The following ITGAE variants were observed in gnomAD, a reference collection of about 807,000 sequenced individuals.
The protein encoded by ITGAE is integrin subunit alpha E, also known as integrin alpha-E.
Under a neutral mutation model 136.5 loss-of-function variants are expected in ITGAE, and 99 were observed. The observed-to-expected ratio is 0.73, with a 90% confidence interval of 0.62 to 0.86. The LOEUF (loss-of-function observed/expected upper bound fraction) is 0.86. Among genes scored for constraint, ITGAE ranks in the 40% least tolerant of loss-of-function variants. ITGAE has a pLI of 0.00. For synonymous variants in ITGAE, 613 were observed against 591.8 expected (o/e 1.04, Z -0.52); for missense variants, 1,447 against 1,515.3 (o/e 0.95, Z 0.75).
At chr17:3,772,053 C>T (rs918453294) in intron 2 of ITGAE, among the ~76,000 whole-genome samples, 4 of 152,154 alleles carry the variant, frequency 2.6e-5, no homozygotes, top group Admixed American at 2.6e-4. Flanking sequence ...TCAGCTTTAG[C>T]CACACGTGAT....
chr17:3,741,547 G>A (rs942369367), intron 19 of ITGAE, among the ~76,000 whole-genome samples: 4 of 152,122 alleles, frequency 2.6e-5, no homozygotes, highest in African/African-American at 4.8e-5. Flanking sequence ...CATTTTATAC[G>A]GGGAATAACT....
At chr17:3,795,774 CGTGT>C (rs1283950394) in intron 1 of ITGAE, among the ~76,000 whole-genome samples, 3 of 148,414 alleles carry the variant, frequency 2.0e-5, no homozygotes, top group African/African-American at 7.9e-5. Context: ...TGTGTACGTG[CGTGT>C]GTGCATGTGT....
At chr17:3,724,577 A>G in intron 26 of ITGAE, 2 of 1,614,154 alleles carry the variant, frequency 1.2e-6, no homozygotes, top group Admixed American at 3.3e-5. Flanking sequence ...CCCTGGACCG[A>G]GCATCTCTCC....
intron 10 of ITGAE, among the ~76,000 whole-genome samples, chr17:3,756,131 G>A (rs1403793140): frequency 6.6e-6 from 1 of 151,572 alleles, no homozygotes; most frequent in Non-Finnish European, 1.5e-5. Flanking sequence ...AAGGGACTAT[G>A]CCCCAGCCAT....
At chr17:3,753,667 A>C (rs1279744413) in intron 13 of ITGAE, 116 bp downstream of exon 13, 2 of 1,346,472 alleles carry the variant, frequency 1.5e-6, no homozygotes. Flanking sequence ...CAGGAGCCTG[A>C]GTTTCACCCA....
At chr17:3,741,179 G>A (rs1418269336) in intron 19 of ITGAE, among the ~76,000 whole-genome samples, 2 of 139,756 alleles carry the variant, frequency 1.4e-5, no homozygotes, top group Non-Finnish European at 3.0e-5. Flanking sequence ...CCGGGTTCAC[G>A]CCATTCTCCT....
In ITGAE at chr17:3,723,673, G is replaced by C. The variant is rs1174614750; in HGVS notation, c.3141+15C>G. 1.3e-6 allele frequency: 2 copies of C among 1,578,518 alleles called. No homozygotes were observed. Among genetic ancestry groups the C allele is most frequent in the African/African-American group, 1.3e-5 (1 of 74,132 alleles). ...CCTCCGCCCTCCCCTGGCCTCTCGG[G>C]ACGGCCGCGCTTACCTGAACCGAAC... is the stretch of plus-strand genomic sequence containing the variant. On this transcript the variant is annotated intron_variant, in intron 27 of 30. Coordinates refer to ENST00000263087, the MANE Select transcript of ITGAE (RefSeq NM_002208.5).
At chr17:3,761,641 G>C in intron 4 of ITGAE, 121 bp from the exon 5 acceptor site, 1 of 905,126 alleles carries the variant, frequency 1.1e-6, no homozygotes, top group Non-Finnish European at 1.7e-6. Flanking sequence ...CACAGGAAGA[G>C]CTGGCCCACC....
Position 3,762,383 on chromosome 17 carries a change from G to A in ITGAE, c.248-401C>T, listed in dbSNP as rs543979762. Among the ~76,000 whole-genome samples, 4 of 152,246 alleles carry A rather than the reference G, an allele frequency of 2.6e-5. No individual in the cohort carries two copies. In the South Asian group the frequency reaches 6.2e-4, roughly 24 times the overall value. On this transcript the variant is annotated intron_variant, in intron 3 of 30. Transcript: ENST00000263087. ...TGTGCAAGATACCGTGGGACTGGCT[G>A]TGTGGACCAAGGAACCCCCCAGCCT...
rs547435254 is a variant in ITGAE, at chr17:3,745,925, G to A, written c.2158C>T (p.Leu720Phe). The A allele has an allele frequency of 1.1e-5, 17 of 1,613,134 alleles. No homozygotes were observed. The highest frequency in any genetic ancestry group is 4.4e-5 in the South Asian group (4 of 90,996). Reference sequence around the variant, plus strand: ...GTGAAGTTGAGAAGTGCCTCGCGGAGGCCTGGGAATGAAGACCAGACCTTC... The same window carrying A: ...GTGAAGTTGAGAAGTGCCTCGCGGAAGCCTGGGAATGAAGACCAGACCTTC... ...SSVTTASESG[L>F]REALLNFTLD... The change falls in exon 18 of 31, where the codon CTC (leucine) becomes TTC (phenylalanine). Residue 720 changes from leucine (L) to phenylalanine (F), a missense_variant and splice_region_variant. This residue lies in a region of ITGAE where 1,031 missense variants were observed against 1,011.4 expected (regional missense o/e 1.02). Coordinates refer to ENST00000263087, the MANE Select transcript of ITGAE (RefSeq NM_002208.5).
chr17:3,715,328 AG>A (rs1467949643), intron 30 of ITGAE, among the ~76,000 whole-genome samples: 13 of 152,296 alleles, frequency 8.5e-5, no homozygotes, highest in East Asian at 7.7e-4. Flanking sequence ...CTCATCATCT[AG>A]TAGGAAAAAG....
At chr17:3,768,309 G>T (rs1160647084) in intron 2 of ITGAE, among the ~76,000 whole-genome samples, 1 of 152,118 alleles carries the variant, frequency 6.6e-6, no homozygotes, top group African/African-American at 2.4e-5. Context: ...ATGTTTTGTA[G>T]AGATGGGGTT....
intron 20 of ITGAE, among the ~76,000 whole-genome samples, chr17:3,735,848 T>C (rs993317283): frequency 2.6e-4 from 39 of 152,182 alleles, no homozygotes; most frequent in African/African-American, 9.2e-4. Context: ...CTCCATTTTA[T>C]AGAAGAGGAA....
intron 3 of ITGAE, among the ~76,000 whole-genome samples, chr17:3,762,683 C>T (rs975548256): frequency 6.7e-6 from 1 of 150,218 alleles, no homozygotes; most frequent in Non-Finnish European, 1.5e-5. Flanking sequence ...CTGCAAGCTC[C>T]GCCTCCCAGG....
intron 3 of ITGAE, among the ~76,000 whole-genome samples, chr17:3,763,613 C>T (rs1368035227): frequency 1.3e-5 from 2 of 152,072 alleles, no homozygotes; most frequent in East Asian, 3.8e-4. Context: ...CTGCCGGGCA[C>T]AGGGTGGGCA....
chr17:3,719,584 G>A (rs1230907335), intron 29 of ITGAE, among the ~76,000 whole-genome samples: 1 of 152,168 alleles, frequency 6.6e-6, no homozygotes. Context: ...AGAATTCCAA[G>A]AGTTCCAGTA....
rs1555523743 is a variant in ITGAE at position 3,761,184 on chromosome 17, A to ATT, written c.434-8_434-7insAA. On this transcript the variant is annotated splice_polypyrimidine_tract_variant and splice_region_variant and intron_variant, in intron 5 of 30. Coordinates refer to ENST00000263087, the MANE Select transcript of ITGAE (RefSeq NM_002208.5). ...TCTGGATCCAGGAGATTTTCTTTAA[A>ATT]AACACACATGGAAGAGCTCAGAGTC... is the stretch of plus-strand genomic sequence containing the variant. The ATT allele has an allele frequency of 1.3e-6, 2 of 1,524,896 alleles. No individual in the cohort carries two copies. Among genetic ancestry groups the ATT allele is most frequent in the South Asian group, 1.1e-5 (1 of 89,014 alleles). The allele number at this position is 1,524,896 out of a possible 1,614,324, so 94.5% of individuals were successfully genotyped here. A position where few individuals can be genotyped will look rare whatever the true frequency, so the allele number is the denominator to read the frequency against.
At chr17:3,785,554 GGAAA>G in intron 1 of ITGAE, among the ~76,000 whole-genome samples, 1 of 140,850 alleles carries the variant, frequency 7.1e-6, no homozygotes, top group Non-Finnish European at 1.5e-5. Flanking sequence ...AAGGAAGGAA[GGAAA>G]ACTAGAAAAA....
rs1299168795 is a variant in ITGAE at position 3,762,290 on chromosome 17, C to T, written c.248-308G>A. Among the ~76,000 whole-genome samples the T allele has an allele frequency of 2.0e-5, 3 of 152,180 alleles. No individual in the cohort carries two copies. The South Asian group carries it at 6.2e-4, about 32-fold the overall frequency. ...GCAACAGCGGATGCCTGCTGCTTTT[C>T]CTCAGTGGGTTTGGTCGGGCAGGTG... On this transcript the variant is annotated intron_variant, in intron 3 of 30. Transcript: ENST00000263087.
Sources: allele counts gnomAD v4.1 joint callset (sites outside exome capture counted in the v4.1 genomes callset), GRCh38; gene constraint gnomAD v4.1.1; regional missense constraint gnomAD v4.1.1; transcripts MANE v1.5; gene names NCBI Gene and HGNC (gene_info 2026-07-23, HGNC 2026-07-21).